Variants in AKAP13 observed in about 807,000 individuals in gnomAD.
The protein encoded by AKAP13 is A-kinase anchor protein 13.
Under a neutral mutation model 264.5 loss-of-function variants are expected in AKAP13, and 80 were observed. The ratio of observed to expected loss-of-function variants is 0.30; its 90% CI spans 0.25 to 0.36. AKAP13 has a LOEUF of 0.36. AKAP13 is among the 10% of genes least tolerant of loss of function. The probability of loss-of-function intolerance (pLI) is 1.00; values close to 1 mark genes in which losing one functional copy is unlikely to be tolerated. For missense variants in AKAP13, 3,712 were observed against 3,435.2 expected (o/e 1.08, Z -2.01); for synonymous variants, 1,380 against 1,250.2 (o/e 1.10, Z -2.19).
intron 12 of AKAP13, among the ~76,000 whole-genome samples, chr15:85,663,710 G>A (rs1225854283): frequency 2.0e-5 from 3 of 152,200 alleles, no homozygotes; most frequent in Non-Finnish European, 4.4e-5. Flanking sequence ...TGTAACAGAT[G>A]TGAATTACTC....
chr15:85,524,134 C>CATTT (rs1460306525), intron 3 of AKAP13, among the ~76,000 whole-genome samples: 1 of 152,098 alleles, frequency 6.6e-6, no homozygotes, highest in Non-Finnish European at 1.5e-5. Context: ...AATTTCTAGT[C>CATTT]ATTTTGGCTA....
intron 14 of AKAP13, among the ~76,000 whole-genome samples, chr15:85,673,754 T>C (rs1172380477): frequency 7.2e-6 from 1 of 139,078 alleles, no homozygotes; most frequent in East Asian, 2.3e-4. Flanking sequence ...GGCACGATCT[T>C]GGCTCACTGC....
intron 8 of AKAP13, among the ~76,000 whole-genome samples, chr15:85,608,251 G>A (rs775525336): frequency 6.6e-6 from 1 of 152,224 alleles, no homozygotes; most frequent in Non-Finnish European, 1.5e-5. Flanking sequence ...AGGAGTTTTT[G>A]TGTCTGGCCA....
rs1201573487 is a variant in AKAP13 at position 85,728,202 on chromosome 15, C to T, written c.7087+739C>T. Among the ~76,000 whole-genome samples, 9 of 152,330 alleles carry T rather than the reference C, an allele frequency of 5.9e-5. No individual in the cohort carries two copies. In the South Asian group the frequency reaches 1.2e-3, roughly 21 times the overall value. ...TTAGCAAAGCCTGTTGCTCTTTTCT[C>T]TTTGCCAGTGGCTTATCGAATGTTT... On this transcript the variant is annotated intron_variant, in intron 29 of 36. Coordinates refer to ENST00000394518, the MANE Select transcript of AKAP13 (RefSeq NM_007200.5).
At chr15:85,433,833 C>T (rs1005837338) in intron 1 of AKAP13, among the ~76,000 whole-genome samples, 2 of 151,676 alleles carry the variant, frequency 1.3e-5, no homozygotes, top group Non-Finnish European at 2.9e-5. Context: ...CCCAGCTACT[C>T]GGGAGGCTGA....
chr15:85,684,039 C>T lies in AKAP13; in HGVS notation c.5157-702C>T, dbSNP rs140121382. On this transcript the variant is annotated intron_variant, in intron 15 of 36. Coordinates refer to ENST00000394518, the MANE Select transcript of AKAP13 (RefSeq NM_007200.5). ...GCTAGAAAAAAGTTGTGATCTCTAC[C>T]GTTAAGGAACTTGGATATGTGGTCA... Among the ~76,000 whole-genome samples the T allele has an allele frequency of 6.2e-3, 942 of 152,218 alleles. 11 individuals are homozygous for T. Among genetic ancestry groups the T allele is most frequent in the African/African-American group, 0.021 (881 of 41,526 alleles).
At chr15:85,390,638 C>G (rs982388717) in intron 1 of AKAP13, among the ~76,000 whole-genome samples, 1 of 152,114 alleles carries the variant, frequency 6.6e-6, no homozygotes, top group Non-Finnish European at 1.5e-5. Flanking sequence ...AACGGAGAGA[C>G]TAGTTAAGAG....
chr15:85,702,668 A>G (rs1450599133), intron 17 of AKAP13: 1 of 152,224 alleles, frequency 6.6e-6, no homozygotes, highest in Admixed American at 6.5e-5. Flanking sequence ...TTGTGGTTAG[A>G]AAGATCAGCC....
chr15:85,701,679 G>C (rs956919323), intron 17 of AKAP13, among the ~76,000 whole-genome samples: 1 of 151,822 alleles, frequency 6.6e-6, no homozygotes, highest in Non-Finnish European at 1.5e-5. Flanking sequence ...CCTGACTCAG[G>C]TGATCCACCC....
At chr15:85,419,102 G>C (rs1356771601) in intron 1 of AKAP13, among the ~76,000 whole-genome samples, 1 of 152,234 alleles carries the variant, frequency 6.6e-6, no homozygotes, top group Non-Finnish European at 1.5e-5. Context: ...GTGATGGGAA[G>C]AGTCTTTGTA....
chr15:85,676,342 A>T (rs922549477), intron 14 of AKAP13, among the ~76,000 whole-genome samples: 2 of 152,206 alleles, frequency 1.3e-5, no homozygotes, highest in African/African-American at 2.4e-5. Context: ...GTGAAGTGTG[A>T]TATAAGGATT....
chr15:85,544,036 T>C, intron 5 of AKAP13, 81 bp downstream of exon 5: 5 of 1,523,012 alleles, frequency 3.3e-6, no homozygotes, highest in Non-Finnish European at 4.5e-6. Context: ...CCACTTGGCA[T>C]CTCATTGTGT....
chr15:85,478,725 A>G (rs114860747), intron 1 of AKAP13, among the ~76,000 whole-genome samples: 42 of 150,702 alleles, frequency 2.8e-4, no homozygotes, highest in African/African-American at 6.8e-4. Flanking sequence ...CGCCTTACCC[A>G]TTTGGGCTCA....
At chr15:85,457,296 C>G (rs2074315750) in intron 1 of AKAP13, among the ~76,000 whole-genome samples, 1 of 152,164 alleles carries the variant, frequency 6.6e-6, no homozygotes, top group African/African-American at 2.4e-5. Context: ...GTGGCAGCTT[C>G]TTTGGAAGAT....
chr15:85,619,211 C>T (rs1220823181), intron 8 of AKAP13: 4 of 242,278 alleles, frequency 1.7e-5, no homozygotes, highest in African/African-American at 4.7e-5. Context: ...TTTTTCTCTT[C>T]GTCTCGGTAG....
intron 2 of AKAP13, among the ~76,000 whole-genome samples, chr15:85,509,404 A>T (rs1340915353): frequency 6.6e-6 from 1 of 152,340 alleles, no homozygotes. Context: ...GAAGCTACTC[A>T]GAGCCATTCA....
chr15:85,566,507 A>G (rs761362593), intron 5 of AKAP13, among the ~76,000 whole-genome samples: 4 of 152,168 alleles, frequency 2.6e-5, no homozygotes, highest in African/African-American at 4.8e-5. Flanking sequence ...CATAGTGCCT[A>G]CCACTTAATA....
At chr15:85,741,741 AC>A (rs1239365146) in intron 35 of AKAP13, among the ~76,000 whole-genome samples, 29 of 146,640 alleles carry the variant, frequency 2.0e-4, no homozygotes, top group East Asian at 8.1e-4. Context: ...AAAAAAAAAA[AC>A]AGTTTTTAAG....
At chr15:85,606,274 G>T (rs2080332723) in intron 8 of AKAP13, among the ~76,000 whole-genome samples, 1 of 151,548 alleles carries the variant, frequency 6.6e-6, no homozygotes, top group South Asian at 2.1e-4. Flanking sequence ...GCTGATTTTT[G>T]TATTTTTAGT....
Sources: allele counts gnomAD v4.1 joint callset (sites outside exome capture counted in the v4.1 genomes callset), GRCh38; gene constraint gnomAD v4.1.1; transcripts MANE v1.5; gene names NCBI Gene and HGNC (gene_info 2026-07-23, HGNC 2026-07-21).